NPLOC4: variants seen among roughly 807,000 people sequenced by gnomAD.
NPLOC4 encodes NPL4 homolog, ubiquitin recognition factor, also known as nuclear protein localization protein 4 homolog.
NPLOC4 carries 18 observed loss-of-function variants against 80.6 expected under a neutral mutation model. The ratio of observed to expected loss-of-function variants is 0.22; its 90% CI spans 0.15 to 0.33. The LOEUF (loss-of-function observed/expected upper bound fraction) is 0.33, where lower values mean the gene tolerates loss of function less well. Among genes scored for constraint, NPLOC4 ranks in the 10% least tolerant of loss-of-function variants. The probability of loss-of-function intolerance (pLI) is 1.00; values close to 1 mark genes in which losing one functional copy is unlikely to be tolerated. For missense variants in NPLOC4, 540 were observed against 786.1 expected (o/e 0.69, Z 3.74); for synonymous variants, 313 against 301.5 (o/e 1.04, Z -0.39).
rs368307791 is a variant in NPLOC4, at chr17:81,597,239, C to G, written c.993+6G>C. On this transcript the variant is annotated splice_donor_region_variant and intron_variant, in intron 10 of 16. Coordinates refer to ENST00000331134, the MANE Select transcript of NPLOC4 (RefSeq NM_017921.4). The stretch of plus-strand genomic sequence containing the variant: ...GGCCACACGCACAGTCCTGTCTCCA[C>G]CTCACCTTATTTCGACTGTAGCGGA... 5.6e-5 allele frequency: 91 copies of G among 1,612,148 alleles called. No individual in the cohort carries two copies. Among genetic ancestry groups the G allele is most frequent in the Non-Finnish European group, 7.4e-5 (87 of 1,178,326 alleles).
In NPLOC4 at chr17:81,635,357, T is replaced by TTAAA. The variant is rs561130827; in HGVS notation, c.15+1558_15+1559insTTTA. Among the ~76,000 whole-genome samples the TTAAA allele has an allele frequency of 1.9e-4, 24 of 126,622 alleles. No individual in the cohort carries two copies. In the East Asian group the frequency reaches 4.8e-3, roughly 26 times the overall value. 83.1% of individuals were successfully genotyped at this position (126,622 alleles called of 152,430 possible). On this transcript the variant is annotated intron_variant, in intron 1 of 16. Coordinates refer to ENST00000331134, the MANE Select transcript of NPLOC4 (RefSeq NM_017921.4). ...CCATCTCAAAAAAATAAAATAAGGTTAAAAAAAAAAAAAAAAAAGGAGTCG... is the reference window on the plus strand; with the variant it reads ...CCATCTCAAAAAAATAAAATAAGGTTTAAAAAAAAAAAAAAAAAAAAAGGAGTCG...
intron 12 of NPLOC4, among the ~76,000 whole-genome samples, chr17:81,575,356 C>T (rs564264510): frequency 6.6e-6 from 1 of 152,346 alleles, no homozygotes; most frequent in Non-Finnish European, 1.5e-5. Flanking sequence ...CCGCCTTGGC[C>T]TCCCAAAGTG....
chr17:81,565,554 G>A lies in NPLOC4; in HGVS notation c.1620C>T (p.Ala540=), dbSNP rs1421148541. ...EAVRTRNEEL[A]QTWKRSEQWA... is the part of the protein sequence containing the mutation. The stretch of plus-strand genomic sequence containing the variant: ...ACTGCTCAGACCTCTTCCATGTCTG[G>A]GCGAGCTCCTCATTTCTGGTCCGCA... The change falls in exon 16 of 17, where the codon GCC becomes GCT. Residue 540 remains alanine, a synonymous_variant. Transcript: ENST00000331134. The A allele has an allele frequency of 1.3e-6, 2 of 1,556,140 alleles. No individual in the cohort carries two copies. Among genetic ancestry groups the A allele is most frequent in the Non-Finnish European group, 1.7e-6 (2 of 1,150,648 alleles).
At chr17:81,586,907 G>T (rs908080090) in intron 12 of NPLOC4, among the ~76,000 whole-genome samples, 3 of 152,202 alleles carry the variant, frequency 2.0e-5, no homozygotes, top group Non-Finnish European at 4.4e-5. Flanking sequence ...GATGGAGATG[G>T]ACAGCTCACC....
intron 12 of NPLOC4, among the ~76,000 whole-genome samples, chr17:81,578,943 C>T (rs1161938734): frequency 1.3e-5 from 2 of 152,192 alleles, no homozygotes; most frequent in Non-Finnish European, 2.9e-5. Context: ...TATTTAGAGA[C>T]AGGGTCTCAC....
intron 9 of NPLOC4, 69 bp downstream of exon 9, chr17:81,600,272 C>T: frequency 2.6e-6 from 3 of 1,139,864 alleles, no homozygotes; most frequent in Non-Finnish European, 3.9e-6. Flanking sequence ...ACTCTCCCAA[C>T]TCCCCCTGGC....
rs2034338314 is a variant in NPLOC4, at chr17:81,577,695, T to G, written c.1282-5607A>C. 1.3e-5 allele frequency among the ~76,000 whole-genome samples: 2 copies of G among 152,210 alleles called. No homozygotes were observed. Among genetic ancestry groups the G allele is most frequent in the African/African-American group, 4.8e-5 (2 of 41,460 alleles). ...TCTTCAAACTCTGCGTGCTGGCACC[T>G]GGACTCACCATCCTCCCACACAGAC... is the stretch of plus-strand genomic sequence containing the variant. On this transcript the variant is annotated intron_variant, in intron 12 of 16. Coordinates refer to ENST00000331134, the MANE Select transcript of NPLOC4 (RefSeq NM_017921.4). This position sits in a 1 kb window ranked among gnomAD's most constrained non-coding sequence, Gnocchi z 4.3.
rs1195560636 is a variant in NPLOC4 at position 81,575,683 on chromosome 17, G to A, written c.1282-3595C>T. The stretch of plus-strand genomic sequence containing the variant: ...CGCAGGCTCCCCGCCTCCCAAGTCA[G>A]TGCCGGTGCTGCAGGGCCAGGGCAC... On this transcript the variant is annotated intron_variant, in intron 12 of 16. Transcript: ENST00000331134. 2.0e-5 allele frequency among the ~76,000 whole-genome samples: 3 copies of A among 152,336 alleles called. No individual in the cohort carries two copies. The East Asian group carries it at 5.8e-4, about 29-fold the overall frequency.
At chr17:81,597,056 T>G (rs1203396659) in intron 10 of NPLOC4, among the ~76,000 whole-genome samples, 189 bp downstream of exon 10, 1 of 151,984 alleles carries the variant, frequency 6.6e-6, no homozygotes, top group South Asian at 2.1e-4. Context: ...TTGCTAGCGG[T>G]GAGCAGAGAT....
chr17:81,581,052 A>AT (rs930966997), intron 12 of NPLOC4, among the ~76,000 whole-genome samples: 2 of 152,146 alleles, frequency 1.3e-5, no homozygotes, highest in African/African-American at 4.8e-5. Flanking sequence ...GAAAATAGAG[A>AT]TTTTAAAACA....
At chr17:81,606,115 C>A (rs1279514193) in intron 7 of NPLOC4, among the ~76,000 whole-genome samples, 2 of 152,058 alleles carry the variant, frequency 1.3e-5, no homozygotes, top group East Asian at 3.9e-4. Flanking sequence ...AGCCACCTTG[C>A]CCGGCCAAAA....
At chr17:81,585,111 A>C (rs765730841) in intron 12 of NPLOC4, among the ~76,000 whole-genome samples, 30 of 131,350 alleles carry the variant, frequency 2.3e-4, no homozygotes, top group African/African-American at 6.1e-4. Context: ...CGGAGGTTGC[A>C]GTGATCTGAG....
intron 3 of NPLOC4, among the ~76,000 whole-genome samples, chr17:81,614,152 C>T (rs1490030432): frequency 6.6e-6 from 1 of 151,860 alleles, no homozygotes; most frequent in Non-Finnish European, 1.5e-5. Flanking sequence ...TGGCGCACGC[C>T]TGTAGTCCCA....
At chr17:81,636,796 C>A (rs1247352633) in intron 1 of NPLOC4, 120 bp downstream of exon 1, 65 of 1,098,084 alleles carry the variant, frequency 5.9e-5, no homozygotes, top group Non-Finnish European at 7.6e-5. Context: ...AAAGCCCTGG[C>A]GAGAGAAGAG....
At chr17:81,618,947 G>T (rs1021707135) in intron 3 of NPLOC4, among the ~76,000 whole-genome samples, 3 of 151,958 alleles carry the variant, frequency 2.0e-5, no homozygotes, top group African/African-American at 7.3e-5. Context: ...GTCCACTCAG[G>T]GTTAAATGGA....
At chr17:81,631,474 A>T (rs1198077803) in intron 1 of NPLOC4, among the ~76,000 whole-genome samples, 1 of 126,716 alleles carries the variant, frequency 7.9e-6, no homozygotes, top group African/African-American at 2.9e-5. Flanking sequence ...CCCCACGGCA[A>T]GCCTAAAAAG....
chr17:81,597,266 G>T lies in NPLOC4; in HGVS notation c.972C>A (p.Thr324=). The part of the protein sequence containing the change: ...DLVSEDTRKG[T]VRYSRNKDTY... ...TCACCTTATTTCGACTGTAGCGGAC[G>T]GTACCCTTTCGGGTATCTTCTGAGA... Residue 324 remains threonine, a synonymous_variant, in exon 10 of 17, where the codon ACC becomes ACA. Transcript: ENST00000331134. The T allele has an allele frequency of 1.2e-6, 2 of 1,613,472 alleles. No individual in the cohort carries two copies. Among genetic ancestry groups the T allele is most frequent in the Non-Finnish European group, 1.7e-6 (2 of 1,179,492 alleles).
At position 81,559,362 on chromosome 17, in the gene NPLOC4, G is replaced by T; in HGVS notation, c.1724C>A (p.Ser575Tyr). ...GLHEYGAVGG[S>Y]THTATAAMWA... ...CATGGCTGCAGTGGCCGTGTGTGTG[G>T]AGCCCCCGACGGCGCCGTACTCATG... is the stretch of plus-strand genomic sequence containing the variant. Residue 575 changes from serine to tyrosine, a missense_variant, in exon 17 of 17, where the codon TCC (serine) becomes TAC (tyrosine). Around this residue, in one of 6 missense-constraint regions of NPLOC4, gnomAD observed 87 missense variants for 70.3 expected, o/e 1.24. Coordinates refer to ENST00000331134, the MANE Select transcript of NPLOC4 (RefSeq NM_017921.4). The T allele has an allele frequency of 6.2e-7, 1 of 1,608,810 alleles. No individual in the cohort carries two copies. The highest frequency in any genetic ancestry group is 8.5e-7 in the Non-Finnish European group (1 of 1,178,004).
chr17:81,595,812 G>A (rs1348336008), intron 11 of NPLOC4, among the ~76,000 whole-genome samples: 1 of 152,134 alleles, frequency 6.6e-6, no homozygotes, highest in East Asian at 1.9e-4. Context: ...CCAAAGTGCT[G>A]GGATTACAGG....
Sources: allele counts gnomAD v4.1 joint callset (sites outside exome capture counted in the v4.1 genomes callset), GRCh38; gene constraint gnomAD v4.1.1; regional missense constraint gnomAD v4.1.1; non-coding constraint Gnocchi (gnomAD v3.1); transcripts MANE v1.5; gene names NCBI Gene and HGNC (gene_info 2026-07-23, HGNC 2026-07-21).